The following SORBS2 variants were observed in gnomAD, a reference collection of about 807,000 sequenced individuals.
The protein encoded by SORBS2 is sorbin and SH3 domain containing 2.
In SORBS2, 46 loss-of-function variants were observed where a neutral mutation model predicts 97.7. The observed-to-expected ratio is 0.47, with a 90% CI of 0.37 to 0.60. The LOEUF is 0.60. Ranked by LOEUF, SORBS2 falls within the 20% of genes least tolerant of loss-of-function variation. SORBS2 has a pLI of 0.00. For missense variants in SORBS2, 1,316 were observed against 1,282.3 expected (o/e 1.03, Z -0.40); for synonymous variants, 476 against 473.4 (o/e 1.01, Z -0.07).
At chr4:185,806,434 CTATTTTTTTTT>C (rs1297193576) in intron 1 of SORBS2, among the ~76,000 whole-genome samples, 4,003 of 108,100 alleles carry the variant, frequency 0.037, 1,083 homozygotes, top group Non-Finnish European at 0.051. Flanking sequence ...GGCTAGAATC[CTATTTTTTTTT>C]TTTTTTTTTT....
intron 2 of SORBS2, among the ~76,000 whole-genome samples, chr4:185,707,086 TATTTACAG>T (rs1191715042): frequency 6.6e-6 from 1 of 152,238 alleles, no homozygotes; most frequent in Non-Finnish European, 1.5e-5. Context: ...GATCTAAGAA[TATTTACAG>T]ATATTACATG....
At chr4:185,656,573 A>G in intron 1 of SORBS2, 1 of 1,399,282 alleles carries the variant, frequency 7.1e-7, no homozygotes, top group Non-Finnish European at 9.9e-7. Context: ...GCTGCAAAGT[A>G]TATGCAGCTG....
intron 1 of SORBS2, among the ~76,000 whole-genome samples, chr4:185,910,470 C>T (rs1220522407): frequency 6.6e-6 from 1 of 152,186 alleles, no homozygotes; most frequent in Non-Finnish European, 1.5e-5. Flanking sequence ...GTCCTCCCTT[C>T]TCTCTTGCCT....
At chr4:185,707,517 T>C (rs1052383535) in intron 2 of SORBS2, among the ~76,000 whole-genome samples, 1 of 152,150 alleles carries the variant, frequency 6.6e-6, no homozygotes, top group African/African-American at 2.4e-5. Context: ...ATCTTTGTTT[T>C]TTTTTTTTAT....
chr4:185,873,845 C>A (rs1431182635), intron 1 of SORBS2, among the ~76,000 whole-genome samples: 2 of 152,032 alleles, frequency 1.3e-5, no homozygotes, highest in Non-Finnish European at 2.9e-5. Flanking sequence ...ATAACATGAA[C>A]ATTTATATTA....
chr4:185,624,406 A>G, exon 7 of SORBS2: 3 of 1,614,158 alleles, frequency 1.9e-6, no homozygotes, highest in Non-Finnish European at 2.5e-6. Context: ...GCTGTCTGTA[A>G]GTGCTACAGT....
intron 1 of SORBS2, among the ~76,000 whole-genome samples, chr4:185,807,007 T>C (rs901363853): frequency 6.6e-5 from 10 of 152,188 alleles, no homozygotes; most frequent in Non-Finnish European, 1.5e-4. Context: ...TATAATTCAT[T>C]ATAAGACTTG....
At chr4:185,765,031 G>C (rs946834818) in intron 2 of SORBS2, among the ~76,000 whole-genome samples, 20 of 151,930 alleles carry the variant, frequency 1.3e-4, no homozygotes, top group African/African-American at 4.3e-4. Context: ...CCTGTGTTGG[G>C]TTTCATCAGT....
At chr4:185,875,319 A>G (rs2099232926) in intron 1 of SORBS2, among the ~76,000 whole-genome samples, 1 of 152,244 alleles carries the variant, frequency 6.6e-6, no homozygotes, top group Non-Finnish European at 1.5e-5. Context: ...TGGCCATCCC[A>G]CAATGTTTAT....
chr4:185,844,559 T>C (rs1382830186), intron 1 of SORBS2, among the ~76,000 whole-genome samples: 1 of 152,172 alleles, frequency 6.6e-6, no homozygotes, highest in Non-Finnish European at 1.5e-5. Context: ...AGTTTCATGA[T>C]TCCACAATAA....
chr4:185,652,353 G>A (rs1284025437), intron 2 of SORBS2, among the ~76,000 whole-genome samples: 2 of 152,180 alleles, frequency 1.3e-5, no homozygotes, highest in Admixed American at 1.3e-4. Flanking sequence ...GGTGGACAGA[G>A]GAACAATGTG....
chr4:185,908,302 T>TTTGTATACACACAA lies in SORBS2; in HGVS notation c.-338+47893_-338+47894insTTGTGTGTATACAA, dbSNP rs1444666855. ...CTATATATATATATATATATATATA[T>TTTGTATACACACAA]ATATATATATATATATATATTTGTA... On this transcript the variant is annotated intron_variant, in intron 1 of 20. Transcript: ENST00000284776. 1.9e-3 allele frequency among the ~76,000 whole-genome samples: 174 copies of TTTGTATACACACAA among 94,042 alleles called. 6 individuals carry two copies. Among genetic ancestry groups the TTTGTATACACACAA allele is most frequent in the African/African-American group, 6.7e-3 (166 of 24,644 alleles). 61.7% of individuals were successfully genotyped at this position (94,042 alleles called of 152,430 possible).
At chr4:185,604,092 A>G (rs2096346656) in intron 12 of SORBS2, among the ~76,000 whole-genome samples, 1 of 152,238 alleles carries the variant, frequency 6.6e-6, no homozygotes, top group Admixed American at 6.5e-5. Context: ...CGGCCAACTG[A>G]AAACAATCTC....
At chr4:185,903,557 C>T (rs2099248911) in intron 1 of SORBS2, among the ~76,000 whole-genome samples, 1 of 152,134 alleles carries the variant, frequency 6.6e-6, no homozygotes, top group Admixed American at 6.6e-5. Context: ...CCCTCTGATA[C>T]CTGCTTGTCT....
chr4:185,951,061 G>A (rs1191098502), intron 1 of SORBS2, among the ~76,000 whole-genome samples: 1 of 152,158 alleles, frequency 6.6e-6, no homozygotes. Flanking sequence ...ATCCCTCAAT[G>A]ACATCATACT....
chr4:185,608,998 C>CTTT (rs397695201), intron 12 of SORBS2, among the ~76,000 whole-genome samples: 2 of 148,360 alleles, frequency 1.3e-5, no homozygotes, highest in African/African-American at 5.0e-5. Flanking sequence ...ATTTATTTAG[C>CTTT]TTTTTTTTTT....
At position 185,717,742 on chromosome 4, in the gene SORBS2, A is replaced by G. The variant is rs554069485; in HGVS notation, c.-197-38920T>C. Among the ~76,000 whole-genome samples, 123 of 152,364 alleles carry G rather than the reference A, an allele frequency of 8.1e-4. 1 individual carries two copies. In the South Asian group the frequency reaches 0.025, roughly 31 times the overall value. On this transcript the variant is annotated intron_variant, in intron 2 of 20. Transcript: ENST00000284776. ...ACTATCTCCTGTATATGCAGTTATTAGATAGACAATTCTTTTTCCGTGACA... is the reference window on the plus strand; with the variant it reads ...ACTATCTCCTGTATATGCAGTTATTGGATAGACAATTCTTTTTCCGTGACA...
At position 185,952,031 on chromosome 4, in the gene SORBS2, C is replaced by CT. The variant is rs72052066; in HGVS notation, c.-338+4164dup. Among the ~76,000 whole-genome samples, 553 of 127,702 alleles carry CT rather than the reference C, an allele frequency of 4.3e-3. 3 individuals are homozygous for CT. The highest frequency in any genetic ancestry group is 0.011 in the South Asian group (49 of 4,454). The allele number at this position is 127,702 out of a possible 152,430, so 83.8% of individuals were successfully genotyped here. A position where few individuals can be genotyped will look rare whatever the true frequency, so the allele number is the denominator to read the frequency against. On this transcript the variant is annotated intron_variant, in intron 1 of 20. Coordinates refer to the SORBS2 transcript ENST00000284776. Reference sequence around the variant, plus strand: ...TGGTAGAAGAAAGTTAAAATAGCTTCTTTTTTTTTTTTTTGATAGAGTCTC... The same window carrying CT: ...TGGTAGAAGAAAGTTAAAATAGCTTCTTTTTTTTTTTTTTTGATAGAGTCTC...
intron 2 of SORBS2, among the ~76,000 whole-genome samples, chr4:185,761,842 T>C (rs1288117410): frequency 1.3e-5 from 2 of 152,190 alleles, no homozygotes; most frequent in African/African-American, 4.8e-5. Context: ...ACAGGGCTAT[T>C]TATGTCTAAA....
Sources: allele counts gnomAD v4.1 joint callset (sites outside exome capture counted in the v4.1 genomes callset), GRCh38; gene constraint gnomAD v4.1.1; transcripts MANE v1.5; gene names NCBI Gene and HGNC (gene_info 2026-07-23, HGNC 2026-07-21).